ARHGAP42: variants seen among roughly 807,000 people sequenced by gnomAD.
The protein encoded by ARHGAP42 is rho GTPase-activating protein 42.
In ARHGAP42, 63 loss-of-function variants were observed where a neutral mutation model predicts 125.0. That is an observed-to-expected ratio of 0.50 (90% CI 0.41 to 0.62). ARHGAP42 has a LOEUF of 0.62. Ranked by LOEUF, ARHGAP42 falls within the 20% of genes least tolerant of loss-of-function variation. The pLI, the probability that ARHGAP42 is intolerant of heterozygous loss-of-function variation, is 0.00. For missense variants in ARHGAP42, 766 were observed against 1,024.2 expected, an observed-to-expected ratio of 0.75 and a Z score of 3.44; for synonymous variants, 339 against 351.0, an observed-to-expected ratio of 0.97 and a Z score of 0.38.
intron 1 of ARHGAP42, among the ~76,000 whole-genome samples, chr11:100,702,391 G>A (rs1357665599): frequency 2.0e-5 from 3 of 152,096 alleles, no homozygotes; most frequent in Admixed American, 1.3e-4. Context: ...CAATTACAGT[G>A]GTAACGTCAA....
chr11:100,818,274 T>G (rs1254618798), intron 3 of ARHGAP42, among the ~76,000 whole-genome samples: 1 of 152,186 alleles, frequency 6.6e-6, no homozygotes, highest in African/African-American at 2.4e-5. Flanking sequence ...CCTTACCATC[T>G]GGTAGCCTCT....
chr11:100,690,515 C>G (rs1010144158), intron 1 of ARHGAP42, among the ~76,000 whole-genome samples: 1 of 152,236 alleles, frequency 6.6e-6, no homozygotes, highest in Non-Finnish European at 1.5e-5. Flanking sequence ...TAGAAGATTT[C>G]AATTGAACTA....
At chr11:100,752,357 T>C (rs968448024) in intron 1 of ARHGAP42, among the ~76,000 whole-genome samples, 1 of 152,184 alleles carries the variant, frequency 6.6e-6, no homozygotes, top group Non-Finnish European at 1.5e-5. Context: ...TGGGGTATTG[T>C]TGCAGACTAT....
intron 1 of ARHGAP42, among the ~76,000 whole-genome samples, chr11:100,731,252 G>A (rs1198253039): frequency 5.3e-5 from 8 of 151,830 alleles, no homozygotes; most frequent in Middle Eastern, 3.4e-3. Context: ...TCTGCCTCCC[G>A]GGTTCAAGGG....
chr11:100,825,269 T>C (rs1864487613), intron 3 of ARHGAP42, among the ~76,000 whole-genome samples: 1 of 152,226 alleles, frequency 6.6e-6, no homozygotes. Flanking sequence ...TTATTTCTCA[T>C]ACTATGCCTT....
intron 5 of ARHGAP42, among the ~76,000 whole-genome samples, chr11:100,919,235 C>T (rs1407571043): frequency 1.3e-5 from 2 of 152,126 alleles, no homozygotes. Context: ...ACATAGCACT[C>T]GCTTCCTGGC....
intron 1 of ARHGAP42, among the ~76,000 whole-genome samples, chr11:100,732,104 A>G (rs892994187): frequency 2.6e-5 from 4 of 151,912 alleles, no homozygotes; most frequent in Non-Finnish European, 4.4e-5. Flanking sequence ...GATTACAGGC[A>G]TACACCACAT....
intron 4 of ARHGAP42, among the ~76,000 whole-genome samples, chr11:100,891,247 C>T (rs780023375): frequency 1.8e-4 from 28 of 152,034 alleles, no homozygotes; most frequent in Non-Finnish European, 2.8e-4. Context: ...TTGTGTGGCC[C>T]GTAGCAAGCT....
At chr11:100,988,381 T>G (rs1220902862) in intron 23 of ARHGAP42, among the ~76,000 whole-genome samples, 1 of 152,188 alleles carries the variant, frequency 6.6e-6, no homozygotes, top group Non-Finnish European at 1.5e-5. Context: ...TCAAAAAGGT[T>G]GGAAAATAAA....
chr11:100,971,073 G>C (rs1300516434), intron 17 of ARHGAP42, among the ~76,000 whole-genome samples: 6 of 152,104 alleles, frequency 3.9e-5, no homozygotes, highest in Non-Finnish European at 8.8e-5. Flanking sequence ...TAGTCATATT[G>C]AGCTGAGGGT....
intron 3 of ARHGAP42, among the ~76,000 whole-genome samples, chr11:100,809,910 G>A (rs1437481939): frequency 1.3e-5 from 2 of 151,448 alleles, no homozygotes; most frequent in Non-Finnish European, 2.9e-5. Flanking sequence ...CACTGCACTC[G>A]AGCCTGGGTG....
intron 3 of ARHGAP42, among the ~76,000 whole-genome samples, chr11:100,806,925 G>T (rs1469792945): frequency 6.6e-6 from 1 of 151,794 alleles, no homozygotes; most frequent in Admixed American, 6.6e-5. Context: ...TTGGCTCACT[G>T]CAACCTCTGC....
At chr11:100,799,517 AT>A (rs1469243354) in intron 3 of ARHGAP42, among the ~76,000 whole-genome samples, 1 of 152,146 alleles carries the variant, frequency 6.6e-6, no homozygotes, top group Non-Finnish European at 1.5e-5. Context: ...CACAGGGAGA[AT>A]TGGGTAGTAT....
At chr11:100,723,353 A>C (rs1007205958) in intron 1 of ARHGAP42, among the ~76,000 whole-genome samples, 1 of 152,242 alleles carries the variant, frequency 6.6e-6, no homozygotes, top group Non-Finnish European at 1.5e-5. Flanking sequence ...CATTCAATCT[A>C]TAGATCAAGT....
intron 4 of ARHGAP42, among the ~76,000 whole-genome samples, chr11:100,865,334 G>A (rs954283561): frequency 4.6e-5 from 7 of 152,174 alleles, no homozygotes; most frequent in African/African-American, 1.7e-4. Flanking sequence ...AAAAGTGACT[G>A]CAGTCTAACT....
chr11:100,933,088 C>T (rs764721866), intron 6 of ARHGAP42, 68 bp from the exon 7 acceptor site: 1 of 1,091,842 alleles, frequency 9.2e-7, no homozygotes, highest in Non-Finnish European at 1.3e-6. Flanking sequence ...AATTTTCTCC[C>T]TATTTTATAT....
chr11:100,816,259 A>G (rs960888641), intron 3 of ARHGAP42, among the ~76,000 whole-genome samples: 5 of 152,036 alleles, frequency 3.3e-5, no homozygotes, highest in Non-Finnish European at 5.9e-5. Context: ...CTGTTTTACA[A>G]TCCCACTAAC....
chr11:100,931,137 T>C (rs1867569499), intron 6 of ARHGAP42, among the ~76,000 whole-genome samples: 1 of 152,192 alleles, frequency 6.6e-6, no homozygotes, highest in South Asian at 2.1e-4. Flanking sequence ...AGTTTGTATA[T>C]ATTGAACCAC....
chr11:100,764,345 C>G lies in ARHGAP42; in HGVS notation c.155-5998C>G, dbSNP rs145228315. 3.3e-3 allele frequency among the ~76,000 whole-genome samples: 500 copies of G among 152,236 alleles called. 2 individuals are homozygous for G. The highest frequency in any genetic ancestry group is 3.5e-3 in the Non-Finnish European group (236 of 68,006). On this transcript the variant is annotated intron_variant, in intron 1 of 23. Transcript: ENST00000298815. ...AGCCCCTCCCAGTTTTAATGCCCAT[C>G]ATTCTTTGGGGATTAACTATGATAT...
Sources: allele counts gnomAD v4.1 joint callset (sites outside exome capture counted in the v4.1 genomes callset), GRCh38; gene constraint gnomAD v4.1.1; transcripts MANE v1.5; gene names NCBI Gene and HGNC (gene_info 2026-07-23, HGNC 2026-07-21).